Variants in TAL1 observed in about 807,000 individuals in gnomAD.
TAL1 encodes T-cell acute lymphocytic leukemia protein 1.
TAL1 carries 8 observed loss-of-function variants against 17.9 expected under a neutral mutation model. The observed-to-expected ratio is 0.45, with a 90% CI of 0.26 to 0.81. TAL1 has a LOEUF of 0.81. Among genes scored for constraint, TAL1 ranks in the 30% least tolerant of loss-of-function variants. The pLI, the probability that TAL1 is intolerant of heterozygous loss-of-function variation, is 0.17. For missense variants in TAL1, 466 were observed against 486.9 expected (o/e 0.96, Z 0.40); for synonymous variants, 223 against 218.6 (o/e 1.02, Z -0.18).
At chr1:47,225,334 C>G (rs1164666424) in intron 2 of TAL1, 109 bp downstream of exon 3, 1 of 1,048,630 alleles carries the variant, frequency 9.5e-7, no homozygotes, top group Non-Finnish European at 1.2e-6. Flanking sequence ...GCGCTCCACC[C>G]GCTCGGCCCC....
chr1:47,224,403 A>AACACACAC (rs3835389), intron 2 of TAL1, among the ~76,000 whole-genome samples: 3 of 148,616 alleles, frequency 2.0e-5, no homozygotes, highest in Non-Finnish European at 3.0e-5. Context: ...CACAAAAATG[A>AACACACAC]ACACACACAC....
intron 1 of TAL1, chr1:47,227,386 C>T (rs1275140748): frequency 6.6e-6 from 1 of 152,146 alleles, no homozygotes; most frequent in Admixed American, 6.5e-5. Flanking sequence ...ACAATTTACC[C>T]CCATGCAGAG....
exon 2 of TAL1, chr1:47,225,830 T>C: frequency 6.3e-7 from 1 of 1,583,048 alleles, no homozygotes; most frequent in South Asian, 1.1e-5. Flanking sequence ...CTCGGCCGCG[T>C]CCCGTCCCTC....
exon 4 of TAL1, chr1:47,217,292 G>T (rs993848820): frequency 1.8e-5 from 7 of 383,860 alleles, no homozygotes; most frequent in Non-Finnish European, 3.2e-5. Flanking sequence ...GGAGGCTGAG[G>T]TGAGAGGATT....
In TAL1 at chr1:47,220,091, C is replaced by T. The variant is rs1645589202; in HGVS notation, c.625G>A (p.Glu209Lys). 1 of 1,613,054 alleles carries T rather than the reference C, an allele frequency of 6.2e-7. No individual in the cohort carries two copies. Among genetic ancestry groups the T allele is most frequent in the Non-Finnish European group, 8.5e-7 (1 of 1,179,470 alleles). The change falls in exon 4 of 4, where the codon GAG becomes AAG. Residue 209 changes from glutamate to lysine, a missense_variant. Glu to Lys is a moderately conservative substitution (Grantham distance 56). Around this residue, in one of 5 missense-constraint regions of TAL1, gnomAD observed 38 missense variants for 72.3 expected, o/e 0.53. Coordinates refer to ENST00000294339, the Ensembl canonical transcript of TAL1. The stretch of plus-strand genomic sequence containing the variant: ...TGTGTGGGGATCAGCTTGCGGAGCT[C>T]GGCAAAGGCCCCGTTCACATTCTGC...
intron 2 of TAL1, 134 bp from the exon 4 acceptor site, chr1:47,224,232 G>A: frequency 1.4e-6 from 1 of 698,596 alleles, no homozygotes; most frequent in South Asian, 1.7e-5. Context: ...CTTGAGCTGG[G>A]AATAGGCACA....
At chr1:47,220,269 G>A (rs1643756512) in intron 3 of TAL1, 95 bp from the exon 5 acceptor site, 1 of 1,406,304 alleles carries the variant, frequency 7.1e-7, no homozygotes. Context: ...AGCCTAGAAT[G>A]CCTACTTTCC....
exon 4 of TAL1, chr1:47,217,099 G>T (rs1386004511): frequency 8.5e-6 from 2 of 235,206 alleles, no homozygotes; most frequent in African/African-American, 4.4e-5. Context: ...GACAATCTGG[G>T]CTGGGTGCAA....
chr1:47,232,243 G>A (rs1644028212), upstream of TAL1: 3 of 171,764 alleles, frequency 1.7e-5, no homozygotes, highest in East Asian at 2.1e-4. Context: ...CCCCTCCCGC[G>A]GCCCCCGCTC....
At chr1:47,221,380 A>C (rs1015136390) in intron 3 of TAL1, among the ~76,000 whole-genome samples, 1 of 152,166 alleles carries the variant, frequency 6.6e-6, no homozygotes, top group African/African-American at 2.4e-5. Context: ...AGTCACTAAC[A>C]TTCCATGTAT....
exon 4 of TAL1, chr1:47,220,016 T>C: frequency 6.2e-7 from 1 of 1,613,270 alleles, no homozygotes; most frequent in Non-Finnish European, 8.5e-7. Flanking sequence ...TTGATATACT[T>C]CATGGCCAGG....
rs566781297 is a variant in TAL1, at chr1:47,226,014, GCAGA to G, written c.-1-129_-1-126del. The G allele has an allele frequency of 2.0e-4, 182 of 912,562 alleles. 3 individuals carry two copies. In the South Asian group the frequency reaches 3.3e-3, roughly 17 times the overall value. The allele number at this position is 912,562 out of a possible 1,614,324, so 56.5% of individuals were successfully genotyped here. On this transcript the variant is annotated intron_variant, in intron 1 of 3. Transcript: ENST00000294339. The stretch of plus-strand genomic sequence containing the variant: ...CTCACGCACCGAGACGTGAGAAGAG[GCAGA>G]CAAAGTTAGCGCCACGTGGGGCTAG...
chr1:47,220,302 C>T, intron 3 of TAL1, 128 bp from the exon 5 acceptor site: 1 of 1,360,518 alleles, frequency 7.4e-7, no homozygotes, highest in African/African-American at 1.5e-5. Flanking sequence ...AACATCCACC[C>T]TTCAAATTCA....
exon 2 of TAL1, chr1:47,225,766 C>T (rs749559285): frequency 9.6e-5 from 149 of 1,549,698 alleles, no homozygotes; most frequent in African/African-American, 2.3e-4. Flanking sequence ...CCGCGCGGCT[C>T]GTCTCCTTGG....
exon 4 of TAL1, chr1:47,219,561 C>G (rs1179881622): frequency 8.3e-7 from 1 of 1,200,646 alleles, no homozygotes. Context: ...AAAGCCAGCC[C>G]CAGGGTCAGT....
rs140818799 is a variant in TAL1 at position 47,224,093 on chromosome 1, A to G, written c.452T>C (p.Phe151Ser). 3 of 1,613,786 alleles carry G rather than the reference A, an allele frequency of 1.9e-6. No homozygotes were observed. In the African/African-American group the frequency reaches 4.0e-5, roughly 22 times the overall value. ...AGGGAAGGCATCCGGCTCCCCAAAG[A>G]ACCCGCTGTGGGAGGGAACGGGCAG... Residue 151 changes from phenylalanine to serine, a missense_variant, in exon 3 of 4, where the codon TTC becomes TCC. By Grantham distance (155) the Phe-to-Ser change is radical. Transcript: ENST00000294339.
At chr1:47,229,573 T>C (rs1410924336) in exon 1 of TAL1, 1 of 166,462 alleles carries the variant, frequency 6.0e-6, no homozygotes, top group Non-Finnish European at 1.3e-5. Context: ...AAAAACCCTA[T>C]ACATGACCAA....
At chr1:47,225,709 C>G in exon 2 of TAL1, 1 of 1,459,618 alleles carries the variant, frequency 6.9e-7, no homozygotes, top group Non-Finnish European at 9.0e-7. Context: ...GGCCGCCCCC[C>G]GGGCCTCCGC....
intron 3 of TAL1, among the ~76,000 whole-genome samples, chr1:47,222,500 A>G (rs1041418881): frequency 6.6e-6 from 1 of 152,174 alleles, no homozygotes; most frequent in African/African-American, 2.4e-5. Context: ...GGTAGTAGCA[A>G]TTCAGCAACA....
Sources: allele counts gnomAD v4.1 joint callset (sites outside exome capture counted in the v4.1 genomes callset), GRCh38; gene constraint gnomAD v4.1.1; regional missense constraint gnomAD v4.1.1; transcripts MANE v1.5; gene names NCBI Gene and HGNC (gene_info 2026-07-23, HGNC 2026-07-21).